Variants in SH3BGRL2 observed in about 807,000 individuals in gnomAD.
The protein encoded by SH3BGRL2 is SH3 domain binding glutamate rich protein like 2, also known as SH3 domain-binding glutamic acid-rich-like protein 2.
In SH3BGRL2, 21 loss-of-function variants were observed where a neutral mutation model predicts 14.8. That is an observed-to-expected ratio of 1.42 (90% CI 1.01 to 2.05). The LOEUF is 2.05. Among genes scored for constraint, SH3BGRL2 ranks in the 30% most tolerant of loss-of-function variants. SH3BGRL2 has a pLI of 0.00. For missense variants in SH3BGRL2, 147 were observed against 130.8 expected (o/e 1.12, Z -0.61); for synonymous variants, 50 against 47.8 (o/e 1.05, Z -0.19).
At chr6:79,652,622 C>A (rs1769318373) in intron 1 of SH3BGRL2, among the ~76,000 whole-genome samples, 1 of 151,792 alleles carries the variant, frequency 6.6e-6, no homozygotes, top group Non-Finnish European at 1.5e-5. Flanking sequence ...CATCTTAGGC[C>A]TGGTACTCAA....
Position 79,699,974 on chromosome 6 carries a change from AG to A in SH3BGRL2, c.*468del, listed in dbSNP as rs1445607341. The A allele has an allele frequency of 1.3e-5, 2 of 157,574 alleles. No homozygotes were observed. The highest frequency in any genetic ancestry group is 2.8e-5 in the Non-Finnish European group (2 of 71,968). The allele number at this position is 157,574 out of a possible 1,614,324, so 9.8% of individuals were successfully genotyped here. A position where few individuals can be genotyped will look rare whatever the true frequency, so the allele number is the denominator to read the frequency against. On this transcript the variant is annotated 3_prime_UTR_variant, in exon 4 of 4. Transcript: ENST00000369838. ...GAAAAAAAGCAGCGCTGGTTGACAAAGGGTGTTGAAGATTTTTGCTGCAGAA... is the reference window on the plus strand; with the variant it reads ...GAAAAAAAGCAGCGCTGGTTGACAAAGGTGTTGAAGATTTTTGCTGCAGAA...
At chr6:79,603,648 C>G in the SH3BGRL2 span, among the ~76,000 whole-genome samples, 13 of 152,148 alleles carry the variant, frequency 8.5e-5, no homozygotes, top group African/African-American at 3.1e-4. Context: ...TGTGGTATCA[C>G]AGCTGGCAGG....
intron 2 of SH3BGRL2, among the ~76,000 whole-genome samples, chr6:79,696,149 C>A (rs898153091): frequency 1.3e-5 from 2 of 151,988 alleles, no homozygotes; most frequent in Admixed American, 1.3e-4. Context: ...ATACTGAAAA[C>A]CTAGAGTAAA....
chr6:79,619,213 G>T, the SH3BGRL2 span, among the ~76,000 whole-genome samples: 6 of 151,856 alleles, frequency 4.0e-5, no homozygotes, highest in East Asian at 1.2e-3. Context: ...ACCCCTCTAG[G>T]TAACCAATTA....
chr6:79,586,950 T>C, the SH3BGRL2 span, among the ~76,000 whole-genome samples: 3 of 152,248 alleles, frequency 2.0e-5, no homozygotes, highest in Admixed American at 2.0e-4. Context: ...GTTTCAGAAA[T>C]GCCAGGGAGC....
the SH3BGRL2 span, among the ~76,000 whole-genome samples, chr6:79,611,555 A>T: frequency 6.6e-6 from 1 of 151,864 alleles, no homozygotes; most frequent in Non-Finnish European, 1.5e-5. Flanking sequence ...GGATTACAGG[A>T]GTCTGCCACC....
chr6:79,678,208 T>C (rs1212411595), intron 2 of SH3BGRL2, among the ~76,000 whole-genome samples: 4 of 152,226 alleles, frequency 2.6e-5, no homozygotes, highest in Non-Finnish European at 1.5e-5. Flanking sequence ...TTCAGTAGTA[T>C]TAAATGTATT....
chr6:79,676,799 T>C, intron 2 of SH3BGRL2, among the ~76,000 whole-genome samples: 1 of 152,142 alleles, frequency 6.6e-6, no homozygotes, highest in Non-Finnish European at 1.5e-5. Context: ...TAATGTAAAA[T>C]ATAGTTAACT....
intron 2 of SH3BGRL2, among the ~76,000 whole-genome samples, 183 bp from the exon 3 acceptor site, chr6:79,696,302 C>A (rs6925584): frequency 0.11 from 16,195 of 152,186 alleles, 1,080 homozygotes; most frequent in Non-Finnish European, 0.15. Context: ...TTACATTCTT[C>A]ATCATACTAA....
chr6:79,679,734 C>A (rs1173531152), intron 2 of SH3BGRL2, among the ~76,000 whole-genome samples: 1 of 152,064 alleles, frequency 6.6e-6, no homozygotes, highest in Non-Finnish European at 1.5e-5. Flanking sequence ...TTCTACACAT[C>A]CTCACCAACT....
the SH3BGRL2 span, among the ~76,000 whole-genome samples, chr6:79,586,080 C>A: frequency 6.6e-6 from 1 of 151,820 alleles, no homozygotes; most frequent in African/African-American, 2.4e-5. Flanking sequence ...CCTGTAATCC[C>A]AGCTACTCGG....
chr6:79,646,070 A>C (rs1305342363), intron 1 of SH3BGRL2, among the ~76,000 whole-genome samples: 1 of 152,230 alleles, frequency 6.6e-6, no homozygotes, highest in Non-Finnish European at 1.5e-5. Context: ...TATATCGTAG[A>C]TATAAAGCAG....
chr6:79,583,255 C>T, the SH3BGRL2 span, among the ~76,000 whole-genome samples: 1 of 152,176 alleles, frequency 6.6e-6, no homozygotes, highest in East Asian at 1.9e-4. Flanking sequence ...CTAGAATTAC[C>T]ATTTGACCCA....
chr6:79,693,251 T>C (rs1259046992), intron 2 of SH3BGRL2, among the ~76,000 whole-genome samples: 1 of 152,206 alleles, frequency 6.6e-6, no homozygotes, highest in Non-Finnish European at 1.5e-5. Flanking sequence ...CTGAAGGAGA[T>C]TTTGGGCTGA....
At chr6:79,562,417 C>T in the SH3BGRL2 span, among the ~76,000 whole-genome samples, 1 of 152,130 alleles carries the variant, frequency 6.6e-6, no homozygotes, top group African/African-American at 2.4e-5. Flanking sequence ...AAATTGGTCC[C>T]TAACTAACTC....
intron 2 of SH3BGRL2, among the ~76,000 whole-genome samples, chr6:79,680,867 T>C (rs1769975775): frequency 6.6e-6 from 1 of 152,218 alleles, no homozygotes; most frequent in East Asian, 1.9e-4. Context: ...TTCAATTATT[T>C]ATTATTAGTG....
chr6:79,575,532 G>C, the SH3BGRL2 span: 2 of 152,072 alleles, frequency 1.3e-5, no homozygotes, highest in Admixed American at 1.3e-4. Context: ...TCCAAGGACA[G>C]TCCTGGTTTA....
the SH3BGRL2 span, among the ~76,000 whole-genome samples, chr6:79,545,216 C>G: frequency 1.0e-3 from 153 of 151,970 alleles, no homozygotes; most frequent in African/African-American, 3.6e-3. Context: ...CTTTTCTTTT[C>G]GTCCTTTGTG....
rs922864059 is a variant in SH3BGRL2 at position 79,701,404 on chromosome 6, C to T, written c.*1895C>T. The T allele has an allele frequency of 6.6e-6, 1 of 152,146 alleles. No individual in the cohort carries two copies. The highest frequency in any genetic ancestry group is 1.5e-5 in the Non-Finnish European group (1 of 68,028). The allele number at this position is 152,146 out of a possible 1,614,324, so 9.4% of individuals were successfully genotyped here. On this transcript the variant is annotated 3_prime_UTR_variant, in exon 4 of 4. Coordinates refer to ENST00000369838, the MANE Select transcript of SH3BGRL2 (RefSeq NM_031469.4). ...CTTGCTAGTGAGTGCCAAGAACCAA[C>T]TTGGTAAGGTTGAGGCTTTGCAAGT...
Sources: allele counts gnomAD v4.1 joint callset (sites outside exome capture counted in the v4.1 genomes callset), GRCh38; gene constraint gnomAD v4.1.1; transcripts MANE v1.5; gene names NCBI Gene and HGNC (gene_info 2026-07-23, HGNC 2026-07-21).